Variants in ESYT1 observed in about 807,000 individuals in gnomAD.
The protein encoded by ESYT1 is extended synaptotagmin-1.
ESYT1 carries 116 observed loss-of-function variants against 154.2 expected under a neutral mutation model. That is an observed-to-expected ratio of 0.75 (90% confidence interval 0.65 to 0.88). The LOEUF is 0.88. Ranked by LOEUF, ESYT1 falls within the 40% of genes least tolerant of loss-of-function variation. ESYT1 has a pLI of 0.00. For missense variants in ESYT1, 1,264 were observed against 1,379.3 expected (o/e 0.92, Z 1.32); for synonymous variants, 500 against 539.9 (o/e 0.93, Z 1.02).
rs1870226019 is a variant in ESYT1, at chr12:56,131,327, T to C, written c.714+11T>C. 1 of 1,614,158 alleles carries C rather than the reference T, an allele frequency of 6.2e-7. No individual in the cohort carries two copies. Among genetic ancestry groups the C allele is most frequent in the Non-Finnish European group, 8.5e-7 (1 of 1,180,004 alleles). On this transcript the variant is annotated intron_variant, in intron 5 of 30. Coordinates refer to ENST00000394048, the MANE Select transcript of ESYT1 (RefSeq NM_015292.3). ...GTCAAGGGCATGCAGGTAGGCCAGA[T>C]GTCAGGGGCCACATAATAGGGAATG... is the stretch of plus-strand genomic sequence containing the variant.
At chr12:56,135,753 A>T (rs1373680719) in intron 15 of ESYT1, among the ~76,000 whole-genome samples, 1 of 151,752 alleles carries the variant, frequency 6.6e-6, no homozygotes, top group Admixed American at 6.6e-5. Flanking sequence ...TTAGCCAGGC[A>T]TGGTGGTGCG....
chr12:56,128,958 C>A, intron 1 of ESYT1: 1 of 536,152 alleles, frequency 1.9e-6, no homozygotes, highest in Non-Finnish European at 3.3e-6. Context: ...TCTTCCTCTA[C>A]TTGGGCAACA....
intron 1 of ESYT1, chr12:56,128,988 AC>A: frequency 2.2e-6 from 1 of 445,586 alleles, no homozygotes; most frequent in Admixed American, 3.9e-5. Context: ...ACATCTGGGG[AC>A]CCCGTCTCAG....
chr12:56,138,562 G>C (rs1349724966), intron 22 of ESYT1, 63 bp downstream of exon 22: 58 of 1,466,958 alleles, frequency 4.0e-5, no homozygotes, highest in Non-Finnish European at 5.2e-5. Context: ...CTCCGGTTTG[G>C]ATGGTCCTGG....
At chr12:56,133,529 A>G (rs770232960) in intron 11 of ESYT1, 59 bp from the exon 12 acceptor site, 91 of 1,613,442 alleles carry the variant, frequency 5.6e-5, no homozygotes, top group Non-Finnish European at 6.8e-5. Flanking sequence ...TAGTTGCTAC[A>G]TTGGTAGGGA....
chr12:56,128,494 G>C lies in ESYT1; in HGVS notation c.175G>C (p.Gly59Arg). 1.2e-6 allele frequency: 2 copies of C among 1,611,364 alleles called. No individual in the cohort carries two copies. The highest frequency in any genetic ancestry group is 1.7e-6 in the Non-Finnish European group (2 of 1,178,748). Reference sequence around the variant, plus strand: ...GGCCCTGGCGGTGCTGACTTCATTCGGGAGGCGGTTGCTGGTGCTGATACC... The same window carrying C: ...GGCCCTGGCGGTGCTGACTTCATTCCGGAGGCGGTTGCTGGTGCTGATACC... ...GEALAVLTSF[G>R]RRLLVLIPVY... is the part of the protein sequence containing the mutation. Residue 59 changes from glycine to arginine, a missense_variant, in exon 1 of 31, where the codon GGG becomes CGG. By Grantham distance (125) the Gly-to-Arg change is moderately radical. Coordinates refer to ENST00000394048, the MANE Select transcript of ESYT1 (RefSeq NM_015292.3).
chr12:56,134,042 C>G, intron 13 of ESYT1, 68 bp from the exon 14 acceptor site: 1 of 1,592,818 alleles, frequency 6.3e-7, no homozygotes, highest in Non-Finnish European at 8.6e-7. Flanking sequence ...GATGCGATCC[C>G]ACCTTCCTTC....
At chr12:56,139,110 CTTTTTT>C in intron 24 of ESYT1, 97 bp downstream of exon 24, 2 of 671,576 alleles carry the variant, frequency 3.0e-6, no homozygotes, top group Non-Finnish European at 4.9e-6. Context: ...AAAAGGTTGA[CTTTTTT>C]TTTTTTTTTT....
chr12:56,139,567 T>G (rs533083932), intron 24 of ESYT1, among the ~76,000 whole-genome samples: 1 of 136,580 alleles, frequency 7.3e-6, no homozygotes, highest in Non-Finnish European at 1.6e-5. Context: ...AAGGCATCCT[T>G]AGATGACCCC....
chr12:56,143,643 T>G lies in ESYT1; in HGVS notation c.3275+14T>G. ...TGTAGCCCGGTGGTGAGTGTCTGCG[T>G]GGGTGGGGGATGGTCTGGATATTTC... On this transcript the variant is annotated intron_variant, in intron 30 of 30. Transcript: ENST00000394048. 6.2e-7 allele frequency: 1 copy of G among 1,612,800 alleles called. No homozygotes were observed. The highest frequency in any genetic ancestry group is 8.5e-7 in the Non-Finnish European group (1 of 1,179,614).
In ESYT1 at chr12:56,142,661, G is replaced by A. The variant is rs1870750437; in HGVS notation, c.2817G>A (p.Glu939=). The change falls in exon 26 of 31, where the codon GAG becomes GAA. Residue 939 remains glutamate (E), a synonymous_variant. Coordinates refer to ENST00000394048, the MANE Select transcript of ESYT1 (RefSeq NM_015292.3). This position sits in a 1 kb window ranked among gnomAD's most constrained non-coding sequence, Gnocchi z 4.1. ...CCTCATCGCTGAGTGAAGAACCAGA[G>A]CTCTCGGGGGGACCCCCTCACATCA... ...HSSSSLSEEP[E]LSGGPPHITS... 1 of 1,614,128 alleles carries A rather than the reference G, an allele frequency of 6.2e-7. No individual in the cohort carries two copies. The highest frequency in any genetic ancestry group is 8.5e-7 in the Non-Finnish European group (1 of 1,180,044).
At chr12:56,137,067 A>G in intron 16 of ESYT1, 151 bp from the exon 17 acceptor site, 1 of 1,275,316 alleles carries the variant, frequency 7.8e-7, no homozygotes, top group South Asian at 1.4e-5. Flanking sequence ...TTATGAGTTG[A>G]GGGGGTGTGG....
At position 56,136,989 on chromosome 12, in the gene ESYT1, G is replaced by A. The variant is rs78528152; in HGVS notation, c.1782+96G>A. On this transcript the variant is annotated intron_variant, in intron 16 of 30. Coordinates refer to ENST00000394048, the MANE Select transcript of ESYT1 (RefSeq NM_015292.3). ...AAGGGACCCCCCTAAGATTAAAAGA[G>A]CTAATACATGTAGAAGTGCCAAGCA... is the stretch of plus-strand genomic sequence containing the variant. 5.3e-4 allele frequency: 761 copies of A among 1,438,846 alleles called. 12 individuals are homozygous for A. In the East Asian group the frequency reaches 0.012, roughly 23 times the overall value. 89.1% of individuals were successfully genotyped at this position (1,438,846 alleles called of 1,614,324 possible).
Position 56,144,492 on chromosome 12 carries a change from GTCT to G in ESYT1, c.*632_*634del. The G allele has an allele frequency of 1.0e-6, 1 of 986,082 alleles. No homozygotes were observed. The highest frequency in any genetic ancestry group is 4.7e-5 in the South Asian group (1 of 21,332). 61.1% of individuals were successfully genotyped at this position (986,082 alleles called of 1,614,324 possible). A position where few individuals can be genotyped will look rare whatever the true frequency, so the allele number is the denominator to read the frequency against. On this transcript the variant is annotated 3_prime_UTR_variant, in exon 31 of 31. Transcript: ENST00000394048. Reference sequence around the variant, plus strand: ...CAAGCCTCCAAGTAGTGGCATATCAGTCTTGGAGCTCCTAGCTGGTGATACGGA... The same window carrying G: ...CAAGCCTCCAAGTAGTGGCATATCAGTGGAGCTCCTAGCTGGTGATACGGA...
Position 56,128,578 on chromosome 12 carries a change from C to CT in ESYT1, c.260dup (p.Tyr88LeufsTer53). ...GGGTTTCGTGCTCTTCGGCCTCGCC[C>CT]TCTACCTGGGCTGGCGCCGGGTCCG... On this transcript the variant is annotated frameshift_variant, in exon 1 of 31. Transcript: ENST00000394048. LOFTEE classifies it high-confidence loss of function. 1 of 1,614,014 alleles carries CT rather than the reference C, an allele frequency of 6.2e-7. No homozygotes were observed.
intron 17 of ESYT1, 26 bp from the exon 18 acceptor site, chr12:56,137,473 C>T: frequency 3.7e-6 from 6 of 1,608,638 alleles, no homozygotes; most frequent in Non-Finnish European, 5.1e-6. Context: ...CCTTTGCCAT[C>T]TGGCACCCCC....
chr12:56,135,559 G>C (rs1049731165), intron 15 of ESYT1, among the ~76,000 whole-genome samples: 1 of 151,894 alleles, frequency 6.6e-6, no homozygotes, highest in Non-Finnish European at 1.5e-5. Flanking sequence ...CAGTTTCATA[G>C]ACAAGACATA....
At position 56,134,090 on chromosome 12, in the gene ESYT1, C is replaced by T; in HGVS notation, c.1474-20C>T. ...ACCGAATCCCCCAAGATGGTGACCTCTGAATTGTACCCACCACAGCTGAAG... is the reference window on the plus strand; with the variant it reads ...ACCGAATCCCCCAAGATGGTGACCTTTGAATTGTACCCACCACAGCTGAAG... On this transcript the variant is annotated intron_variant, in intron 13 of 30. Coordinates refer to ENST00000394048, the MANE Select transcript of ESYT1 (RefSeq NM_015292.3). The T allele has an allele frequency of 6.2e-7, 1 of 1,613,836 alleles. No individual in the cohort carries two copies. Among genetic ancestry groups the T allele is most frequent in the South Asian group, 1.1e-5 (1 of 91,032 alleles).
Position 56,143,148 on chromosome 12 carries a change from G to A in ESYT1, c.3119G>A (p.Arg1040Gln), listed in dbSNP as rs940257946. 17 of 1,614,010 alleles carry A rather than the reference G, an allele frequency of 1.1e-5. No individual in the cohort carries two copies. The highest frequency in any genetic ancestry group is 2.2e-5 in the East Asian group (1 of 44,892). ...ACCCTGAGTCCTGAATTTAATGAAC[G>A]GTCAGTCAGTGGGCATTCAGGTGGA... ...KRTLSPEFNE[R>Q]FEWELPLDEA... The change falls in exon 28 of 31, where the codon CGG becomes CAG. Residue 1040 changes from arginine to glutamine, a missense_variant and splice_region_variant. Physicochemically the swap from Arg to Gln is conservative, Grantham distance 43 (BLOSUM62 1). Coordinates refer to ENST00000394048, the MANE Select transcript of ESYT1 (RefSeq NM_015292.3).
Sources: allele counts gnomAD v4.1 joint callset (sites outside exome capture counted in the v4.1 genomes callset), GRCh38; gene constraint gnomAD v4.1.1; non-coding constraint Gnocchi (gnomAD v3.1); transcripts MANE v1.5; gene names NCBI Gene and HGNC (gene_info 2026-07-23, HGNC 2026-07-21).